The following ZNF771 variants were observed in gnomAD, a reference collection of about 807,000 sequenced individuals.
ZNF771 encodes zinc finger protein 771.
ZNF771 carries 10 observed loss-of-function variants against 27.6 expected under a neutral mutation model. The ratio of observed to expected loss-of-function variants is 0.36; its 90% confidence interval spans 0.22 to 0.61. The LOEUF (loss-of-function observed/expected upper bound fraction) is 0.61, where lower values mean the gene tolerates loss of function less well. Ranked by LOEUF, ZNF771 falls within the 20% of genes least tolerant of loss-of-function variation. ZNF771 has a pLI of 0.70. For missense variants in ZNF771, 438 were observed against 503.7 expected, an observed-to-expected ratio of 0.87 and a Z score of 1.25; for synonymous variants, 261 against 225.2, an observed-to-expected ratio of 1.16 and a Z score of -1.43.
chr16:30,417,532 G>C, intron 2 of ZNF771, 23 bp from the exon 3 acceptor site: 1 of 1,213,426 alleles, frequency 8.2e-7, no homozygotes. Flanking sequence ...GCTAAGGGCT[G>C]ACCTATCCCC....
intron 2 of ZNF771, among the ~76,000 whole-genome samples, chr16:30,416,434 C>T (rs1295960931): frequency 2.0e-5 from 3 of 152,196 alleles, no homozygotes; most frequent in Non-Finnish European, 2.9e-5. Flanking sequence ...TCCACCTTTG[C>T]AGTTGCTAAG....
chr16:30,416,616 G>A (rs1463763665), intron 2 of ZNF771, among the ~76,000 whole-genome samples: 5 of 152,034 alleles, frequency 3.3e-5, no homozygotes, highest in African/African-American at 1.2e-4. Flanking sequence ...ATCTTCTCTT[G>A]CCAGGTGGCT....
chr16:30,409,562 G>A (rs1359699036), intron 2 of ZNF771, among the ~76,000 whole-genome samples: 1 of 152,128 alleles, frequency 6.6e-6, no homozygotes, highest in African/African-American at 2.4e-5. Context: ...GAGGGCTTTG[G>A]CCCCAGGGAC....
chr16:30,408,051 A>G lies in ZNF771; in HGVS notation c.-3A>G. The G allele has an allele frequency of 6.4e-7, 1 of 1,562,344 alleles. No individual in the cohort carries two copies. Among genetic ancestry groups the G allele is most frequent in the Non-Finnish European group, 8.7e-7 (1 of 1,152,494 alleles). On this transcript the variant is annotated 5_prime_UTR_variant, in exon 2 of 3. Coordinates refer to ENST00000319296, the MANE Select transcript of ZNF771 (RefSeq NM_001142305.2). ...ATCCAGCTCCCCGCCTCAGGACACC[A>G]AGATGCCTGGCGAACAGCAGGCAGA... is the stretch of plus-strand genomic sequence containing the variant.
chr16:30,408,323 C>T (rs1346669274), intron 2 of ZNF771, 129 bp downstream of exon 2: 2 of 1,313,462 alleles, frequency 1.5e-6, no homozygotes, highest in Non-Finnish European at 2.1e-6. Flanking sequence ...TCAGGATTGG[C>T]CCATCCTTCT....
intron 2 of ZNF771, among the ~76,000 whole-genome samples, chr16:30,411,646 T>G (rs1280660141): frequency 6.6e-6 from 1 of 152,176 alleles, no homozygotes; most frequent in Non-Finnish European, 1.5e-5. Flanking sequence ...GTCTGAGAAG[T>G]GTCATCAAGG....
At position 30,408,143 on chromosome 16, in the gene ZNF771, TGAG is replaced by T. The variant is rs748325281; in HGVS notation, c.94_96del (p.Glu32del). On this transcript the variant is annotated inframe_deletion, in exon 2 of 3. Transcript: ENST00000319296. ...TGGTGAAGGGTGAGGAGGATGAGGG[TGAG>T]GAGAAGTATGAGGTGGTGAAACTCA... The T allele has an allele frequency of 2.4e-5, 39 of 1,611,520 alleles. 1 individual carries two copies. The Admixed American group carries it at 2.5e-4, about 10-fold the overall frequency.
At chr16:30,410,856 C>CAAAAAAAA (rs71149015) in intron 2 of ZNF771, among the ~76,000 whole-genome samples, 1 of 27,384 alleles carries the variant, frequency 3.7e-5, no homozygotes, top group African/African-American at 1.7e-4. Context: ...CTCATCTCTA[C>CAAAAAAAA]AAAAAAAAAA....
Position 30,418,748 on chromosome 16 carries a change from G to C in ZNF771, c.*381G>C. 1 of 223,588 alleles carries C rather than the reference G, an allele frequency of 4.5e-6. No individual in the cohort carries two copies. The highest frequency in any genetic ancestry group is 9.4e-5 in the East Asian group (1 of 10,608). The allele number at this position is 223,588 out of a possible 1,614,324, so 13.9% of individuals were successfully genotyped here. A position where few individuals can be genotyped will look rare whatever the true frequency, so the allele number is the denominator to read the frequency against. ...CGGTTTGTGTTGGTTGGAGGTGATC[G>C]CACACTTGGCCCTTGGTTACGTCCT... On this transcript the variant is annotated 3_prime_UTR_variant, in exon 3 of 3. Transcript: ENST00000319296.
intron 2 of ZNF771, among the ~76,000 whole-genome samples, chr16:30,414,946 CTTTTTT>C (rs71149016): frequency 5.0e-5 from 3 of 59,450 alleles, no homozygotes; most frequent in African/African-American, 8.1e-5. Context: ...CGCCCGGCCT[CTTTTTT>C]TTTTTTTTTT....
chr16:30,417,905 G>A lies in ZNF771; in HGVS notation c.492G>A (p.Gln164=). ...RRFAQSSNYA[Q]HLRVHTGEKP... ...TCGCGCAGAGCTCCAACTACGCACA[G>A]CACCTGCGCGTGCACACGGGCGAGA... Residue 164 remains glutamine, a synonymous_variant, in exon 3 of 3, where the codon CAG becomes CAA. Transcript: ENST00000319296. The A allele has an allele frequency of 7.2e-6, 11 of 1,519,062 alleles. No individual in the cohort carries two copies. Among genetic ancestry groups the A allele is most frequent in the Non-Finnish European group, 9.6e-6 (11 of 1,143,094 alleles). 94.1% of individuals were successfully genotyped at this position (1,519,062 alleles called of 1,614,324 possible). A position where few individuals can be genotyped will look rare whatever the true frequency, so the allele number is the denominator to read the frequency against.
At chr16:30,415,791 G>A (rs2050130943) in intron 2 of ZNF771, among the ~76,000 whole-genome samples, 1 of 152,142 alleles carries the variant, frequency 6.6e-6, no homozygotes, top group South Asian at 2.1e-4. Context: ...TCCTTAATAT[G>A]CCCCAGGCAC....
rs2050151484 is a variant in ZNF771 at position 30,418,567 on chromosome 16, G to A, written c.*200G>A. 1 of 502,782 alleles carries A rather than the reference G, an allele frequency of 2.0e-6. No individual in the cohort carries two copies. The highest frequency in any genetic ancestry group is 3.4e-6 in the Non-Finnish European group (1 of 295,596). 31.1% of individuals were successfully genotyped at this position (502,782 alleles called of 1,614,324 possible). ...CCACATCACTACATTCCCTCGGCCC[G>A]TGTTAGTGAATAAAGTATTATATCC... On this transcript the variant is annotated 3_prime_UTR_variant, in exon 3 of 3. Transcript: ENST00000319296.
intron 2 of ZNF771, 74 bp downstream of exon 2, chr16:30,408,268 C>A: frequency 6.3e-7 from 1 of 1,599,980 alleles, no homozygotes; most frequent in East Asian, 2.2e-5. Flanking sequence ...AGATAGAAGC[C>A]AGGGATCTTG....
chr16:30,408,248 A>G (rs1292282462), intron 2 of ZNF771, 54 bp downstream of exon 2: 1 of 1,611,098 alleles, frequency 6.2e-7, no homozygotes. Flanking sequence ...GTCCAGGCCC[A>G]GCCTCCCTCA....
chr16:30,412,787 T>A (rs1489998691), intron 2 of ZNF771, among the ~76,000 whole-genome samples: 1 of 150,968 alleles, frequency 6.6e-6, no homozygotes, highest in Non-Finnish European at 1.5e-5. Flanking sequence ...TGAGACCTTT[T>A]CTCAAAAAAA....
rs2050150700 is a variant in ZNF771 at position 30,418,435 on chromosome 16, G to C, written c.*68G>C. 2.4e-5 allele frequency: 32 copies of C among 1,330,222 alleles called. No homozygotes were observed. Among genetic ancestry groups the C allele is most frequent in the Non-Finnish European group, 3.0e-5 (31 of 1,037,724 alleles). 82.4% of individuals were successfully genotyped at this position (1,330,222 alleles called of 1,614,324 possible). On this transcript the variant is annotated 3_prime_UTR_variant, in exon 3 of 3. Transcript: ENST00000319296. ...GCTGCACTAACCCAGGCTCCTCCTCGCCCCGGCCTCCGGGTCTGGGAAATT... is the reference window on the plus strand; with the variant it reads ...GCTGCACTAACCCAGGCTCCTCCTCCCCCCGGCCTCCGGGTCTGGGAAATT...
chr16:30,417,480 A>C, intron 2 of ZNF771, 75 bp from the exon 3 acceptor site: 1 of 1,025,006 alleles, frequency 9.8e-7, no homozygotes, highest in Non-Finnish European at 1.2e-6. Flanking sequence ...TCACAGAGGG[A>C]GCAGCCTGTG....
chr16:30,409,549 G>A (rs1302259003), intron 2 of ZNF771, among the ~76,000 whole-genome samples: 1 of 151,198 alleles, frequency 6.6e-6, no homozygotes, highest in Non-Finnish European at 1.5e-5. Flanking sequence ...CTGAGTACCA[G>A]CAGAGGGCTT....
Sources: gnomAD v4.1 joint callset for allele counts (sites outside exome capture counted in the v4.1 genomes callset) on GRCh38, gnomAD v4.1.1 for gene constraint, MANE v1.5 for transcripts, NCBI Gene and HGNC (gene_info 2026-07-23, HGNC 2026-07-21) for gene names.